Variants in F11 observed in about 807,000 individuals in gnomAD.
F11 encodes the protein coagualtion factor XI.
Under a neutral mutation model 76.5 loss-of-function variants are expected in F11, and 78 were observed. That is an observed-to-expected ratio of 1.02 (90% confidence interval 0.85 to 1.23). The LOEUF is 1.23. Ranked by LOEUF, F11 falls within the 50% of genes most tolerant of loss-of-function variation. The pLI is 0.00. For missense variants in F11, 742 were observed against 771.4 expected (o/e 0.96, Z 0.45); for synonymous variants, 278 against 276.3 (o/e 1.01, Z -0.06).
rs2126787863 is a variant in F11 at position 186,287,735 on chromosome 4, A to G, written c.1628A>G (p.Glu543Gly). 1.2e-6 allele frequency: 2 copies of G among 1,613,826 alleles called. No individual in the cohort carries two copies. The highest frequency in any genetic ancestry group is 1.7e-6 in the Non-Finnish European group (2 of 1,179,870). The change falls in exon 14 of 15, where the codon GAA becomes GGA. Residue 543 changes from glutamate (E) to glycine (G), a missense_variant. Coordinates refer to ENST00000403665, the MANE Select transcript of F11 (RefSeq NM_000128.4). ...QKAKIPLVTN[E>G]ECQKRYRGHK... ...GCCAAGATACCCTTAGTGACCAACG[A>G]AGAGTGCCAGAAGAGATACAGAGGA...
intron 10 of F11, chr4:186,282,653 C>T (rs1290116008): frequency 5.1e-6 from 5 of 985,002 alleles, no homozygotes; most frequent in East Asian, 2.3e-4. Context: ...TTACTATTTA[C>T]CTATTAATTT....
intron 11 of F11, among the ~76,000 whole-genome samples, 184 bp from the exon 12 acceptor site, chr4:186,285,454 T>C (rs1168709178): frequency 6.6e-6 from 1 of 152,076 alleles, no homozygotes; most frequent in African/African-American, 2.4e-5. Context: ...GTATAATGGA[T>C]TTTCTTTATA....
intron 10 of F11, 90 bp from the exon 11 acceptor site, chr4:186,284,002 G>A (rs184708504): frequency 1.9e-6 from 3 of 1,601,460 alleles, no homozygotes; most frequent in African/African-American, 2.7e-5. Context: ...ATTGACTTGA[G>A]GAAAGGTTTT....
At chr4:186,273,758 C>T (rs758258819) in intron 4 of F11, among the ~76,000 whole-genome samples, 8 of 152,236 alleles carry the variant, frequency 5.3e-5, no homozygotes, top group African/African-American at 1.2e-4. Context: ...CTTTATTAAA[C>T]GTATTAATCC....
intron 2 of F11, among the ~76,000 whole-genome samples, chr4:186,268,863 A>G (rs1739704898): frequency 6.6e-6 from 1 of 152,222 alleles, no homozygotes; most frequent in Non-Finnish European, 1.5e-5. Flanking sequence ...AATTAATGAT[A>G]TAAGATGACA....
Position 186,285,823 on chromosome 4 carries a change from A to AT in F11, c.1480+14dup. ...ACAGTGAATTACACAGGTACGGAGA[A>AT]TTTTATCCGGAAAGTTGTCTCCAAT... On this transcript the variant is annotated intron_variant, in intron 12 of 14. Transcript: ENST00000403665. The AT allele has an allele frequency of 1.2e-6, 2 of 1,614,116 alleles. No homozygotes were observed. The highest frequency in any genetic ancestry group is 1.7e-6 in the Non-Finnish European group (2 of 1,179,992).
intron 5 of F11, 200 bp downstream of exon 5, chr4:186,274,475 C>A: frequency 1.6e-6 from 1 of 635,280 alleles, no homozygotes; most frequent in Non-Finnish European, 2.7e-6. Flanking sequence ...AGGAGTCTAT[C>A]TTTTAATAAC....
At chr4:186,275,281 A>T (rs1298471281) in intron 5 of F11, 63 of 436,766 alleles carry the variant, frequency 1.4e-4, no homozygotes, top group South Asian at 9.5e-4. Context: ...ACCTGAGGTC[A>T]GGAGTTCGAC....
intron 13 of F11, among the ~76,000 whole-genome samples, chr4:186,287,037 G>A (rs557667672): frequency 5.9e-5 from 9 of 151,990 alleles, no homozygotes; most frequent in East Asian, 3.9e-4. Context: ...GCAGTGGCAC[G>A]ATCTCGGCTC....
At chr4:186,283,460 C>T (rs985955879) in intron 10 of F11, among the ~76,000 whole-genome samples, 2 of 152,018 alleles carry the variant, frequency 1.3e-5, no homozygotes, top group Non-Finnish European at 2.9e-5. Context: ...ACCAAGGACC[C>T]CAGAGAATCC....
chr4:186,269,135 T>TA (rs1313467415), intron 2 of F11, among the ~76,000 whole-genome samples: 5 of 152,142 alleles, frequency 3.3e-5, no homozygotes, highest in Admixed American at 2.0e-4. Context: ...AGTAGATTGT[T>TA]AAAAAAATTA....
rs1233980263 is a variant in F11, at chr4:186,285,628, T to G, written c.1305-10T>G. The G allele has an allele frequency of 1.2e-6, 2 of 1,613,756 alleles. No individual in the cohort carries two copies. The highest frequency in any genetic ancestry group is 4.5e-5 in the East Asian group (2 of 44,866). The stretch of plus-strand genomic sequence containing the variant: ...AGGAAATTTCTTTCCCTCTGTTGTT[T>G]GCTCCTTAGGGTAGAGTCACCTAAG... On this transcript the variant is annotated splice_polypyrimidine_tract_variant and intron_variant, in intron 11 of 14. Coordinates refer to ENST00000403665, the MANE Select transcript of F11 (RefSeq NM_000128.4).
intron 3 of F11, chr4:186,272,835 C>G: frequency 2.3e-6 from 1 of 434,384 alleles, no homozygotes; most frequent in Non-Finnish European, 4.2e-6. Flanking sequence ...CCAACAGGTC[C>G]TAGTTGACAC....
chr4:186,279,578 C>T (rs1428421545), intron 7 of F11, among the ~76,000 whole-genome samples: 1 of 152,108 alleles, frequency 6.6e-6, no homozygotes, highest in Non-Finnish European at 1.5e-5. Context: ...TAGGAAAAGT[C>T]ACTCTTTTCC....
chr4:186,277,617 G>A (rs957649928), intron 7 of F11, among the ~76,000 whole-genome samples: 5 of 151,240 alleles, frequency 3.3e-5, no homozygotes, highest in African/African-American at 9.7e-5. Flanking sequence ...AACCCAAAGT[G>A]GAGAGAGAGA....
chr4:186,273,170 A>C lies in F11; in HGVS notation c.318A>C (p.Gln106His). 1 of 1,611,190 alleles carries C rather than the reference A, an allele frequency of 6.2e-7. No individual in the cohort carries two copies. Among genetic ancestry groups the C allele is most frequent in the Non-Finnish European group, 8.5e-7 (1 of 1,177,320 alleles). Residue 106 changes from glutamine to histidine, a missense_variant, in exon 4 of 15, where the codon CAA becomes CAC. By Grantham distance (24) the Gln-to-His change is conservative. Coordinates refer to ENST00000403665, the MANE Select transcript of F11 (RefSeq NM_000128.4). ...ATTCTTTCAAGCAATGCTCACACCA[A>C]ATAAGCGGTAAGATATGTTCTCAGA... ...SGYSFKQCSH[Q>H]ISACNKDIYV... is the part of the protein sequence containing the mutation.
At position 186,266,951 on chromosome 4, in the gene F11, C is replaced by T. The variant is rs368940790; in HGVS notation, c.-1-185C>T. 2.0e-5 allele frequency among the ~76,000 whole-genome samples: 3 copies of T among 148,602 alleles called. No individual in the cohort carries two copies. The East Asian group carries it at 6.1e-4, about 30-fold the overall frequency. On this transcript the variant is annotated intron_variant, in intron 1 of 14. Transcript: ENST00000403665. The stretch of plus-strand genomic sequence containing the variant: ...AGAGCTGTAAGAGTTGAATGCCACA[C>T]ACAGTCACACTAAGGAATGCTCCAG...
rs772771025 is a variant in F11 at position 186,287,702 on chromosome 4, T to C, written c.1595T>C (p.Leu532Pro). The C allele has an allele frequency of 6.2e-7, 1 of 1,612,824 alleles. No individual in the cohort carries two copies. ...RKLRDKIQNT[L>P]QKAKIPLVTN... ...TTTTCAGACAAAATACAAAATACTC[T>C]CCAGAAAGCCAAGATACCCTTAGTG... The change falls in exon 14 of 15, where the codon CTC becomes CCC. Residue 532 changes from leucine (L) to proline (P), a missense_variant. Physicochemically the swap from Leu to Pro is moderately conservative, Grantham distance 98. Transcript: ENST00000403665.
At chr4:186,271,528 C>T in intron 2 of F11, 81 bp from the exon 3 acceptor site, 3 of 1,504,758 alleles carry the variant, frequency 2.0e-6, no homozygotes, top group South Asian at 1.1e-5. Context: ...AGCTACTTGC[C>T]TTGCCTTTAT....
Sources: allele counts gnomAD v4.1 joint callset (sites outside exome capture counted in the v4.1 genomes callset), GRCh38; gene constraint gnomAD v4.1.1; transcripts MANE v1.5; gene names NCBI Gene and HGNC (gene_info 2026-07-23, HGNC 2026-07-21).